The following NFX1 variants were observed in gnomAD, a reference collection of about 807,000 sequenced individuals.
The protein encoded by NFX1 is nuclear transcription factor, X-box binding 1, also known as transcriptional repressor NF-X1.
NFX1 carries 69 observed loss-of-function variants against 137.2 expected under a neutral mutation model. The observed-to-expected ratio is 0.50, with a 90% confidence interval of 0.41 to 0.61. The LOEUF is 0.61. NFX1 is among the 20% of genes least tolerant of loss of function. The probability of loss-of-function intolerance (pLI) is 0.00; values close to 1 mark genes in which losing one functional copy is unlikely to be tolerated. For missense variants in NFX1, 1,167 were observed against 1,391.0 expected (o/e 0.84, Z 2.56); for synonymous variants, 495 against 474.1 (o/e 1.04, Z -0.57).
At chr9:33,327,845 G>GCT (rs1383287692) in intron 9 of NFX1, among the ~76,000 whole-genome samples, 1 of 152,122 alleles carries the variant, frequency 6.6e-6, no homozygotes, top group African/African-American at 2.4e-5. Context: ...CATTCACAGA[G>GCT]CTCTAGTCAG....
chr9:33,327,702 T>C (rs1564123298), intron 9 of NFX1, among the ~76,000 whole-genome samples: 2 of 152,084 alleles, frequency 1.3e-5, no homozygotes, highest in Non-Finnish European at 2.9e-5. Context: ...ACAATGAGGC[T>C]GAAAGTTAAA....
chr9:33,352,855 G>C (rs911057558), intron 17 of NFX1, 136 bp downstream of exon 17: 2 of 673,680 alleles, frequency 3.0e-6, no homozygotes, highest in Non-Finnish European at 5.3e-6. Context: ...GTAATCAGTT[G>C]TAAACACCAC....
chr9:33,343,788 A>C (rs1480356367), intron 13 of NFX1, among the ~76,000 whole-genome samples: 1 of 152,224 alleles, frequency 6.6e-6, no homozygotes, highest in African/African-American at 2.4e-5. Context: ...CTCAGTCATT[A>C]ATATAATCTC....
chr9:33,337,520 G>T (rs564155200), intron 11 of NFX1, among the ~76,000 whole-genome samples: 17 of 152,046 alleles, frequency 1.1e-4, no homozygotes, highest in Non-Finnish European at 2.5e-4. Flanking sequence ...AAACACTACC[G>T]TTGCTATTTT....
chr9:33,349,536 G>C (rs1458943249), intron 15 of NFX1, among the ~76,000 whole-genome samples: 2 of 152,272 alleles, frequency 1.3e-5, no homozygotes, highest in East Asian at 1.9e-4. Context: ...AGTCTCTTCA[G>C]GGGGAGAAGT....
intron 19 of NFX1, among the ~76,000 whole-genome samples, chr9:33,363,117 T>G (rs1220693445): frequency 6.6e-6 from 1 of 151,976 alleles, no homozygotes; most frequent in African/African-American, 2.4e-5. Flanking sequence ...AGTGAAATAA[T>G]AAGGGCATCA....
rs758495561 is a variant in NFX1 at position 33,307,180 on chromosome 9, C to G, written c.1271-14C>G. ...AAGTTTGTACCATTGACTCTCTGAT[C>G]TGATATGTTCTAGGCAAGGTAAAGA... On this transcript the variant is annotated splice_polypyrimidine_tract_variant and intron_variant, in intron 4 of 23. Transcript: ENST00000379540. 1 of 1,606,328 alleles carries G rather than the reference C, an allele frequency of 6.2e-7. No homozygotes were observed. Among genetic ancestry groups the G allele is most frequent in the Admixed American group, 1.7e-5 (1 of 59,710 alleles).
chr9:33,341,029 C>T (rs964152638), intron 12 of NFX1, among the ~76,000 whole-genome samples: 1 of 152,218 alleles, frequency 6.6e-6, no homozygotes, highest in East Asian at 1.9e-4. Context: ...TGCCTGTTAC[C>T]CAGTTCCAAA....
At chr9:33,369,501 A>G (rs1824266000) in intron 23 of NFX1, among the ~76,000 whole-genome samples, 1 of 152,210 alleles carries the variant, frequency 6.6e-6, no homozygotes, top group African/African-American at 2.4e-5. Flanking sequence ...CAAAATCACC[A>G]GCTCATGTTT....
intron 1 of NFX1, among the ~76,000 whole-genome samples, chr9:33,293,139 C>T (rs1390560384): frequency 6.6e-6 from 1 of 152,234 alleles, no homozygotes; most frequent in Non-Finnish European, 1.5e-5. Flanking sequence ...AGCGCAGTCT[C>T]TAATACACAA....
At chr9:33,320,972 C>T (rs1358253950) in intron 9 of NFX1, among the ~76,000 whole-genome samples, 1 of 152,178 alleles carries the variant, frequency 6.6e-6, no homozygotes, top group Non-Finnish European at 1.5e-5. Flanking sequence ...TTTTAATATA[C>T]ATTCCAGCTG....
intron 9 of NFX1, among the ~76,000 whole-genome samples, chr9:33,325,390 G>A (rs887132287): frequency 4.1e-5 from 6 of 146,444 alleles, no homozygotes; most frequent in South Asian, 4.5e-4. Flanking sequence ...CTGGCCGGGC[G>A]CGGTGGCTCA....
chr9:33,368,078 A>G (rs1451869194), intron 23 of NFX1, among the ~76,000 whole-genome samples: 2 of 152,180 alleles, frequency 1.3e-5, no homozygotes, highest in African/African-American at 2.4e-5. Context: ...TACTAAAAAT[A>G]TAAAAAAGTA....
chr9:33,311,071 G>C, intron 5 of NFX1, 35 bp from the exon 6 acceptor site: 1 of 1,607,874 alleles, frequency 6.2e-7, no homozygotes, highest in Non-Finnish European at 8.5e-7. Flanking sequence ...TGGATACATG[G>C]CTGTGGTTTA....
At chr9:33,346,815 A>G (rs949442682) in intron 14 of NFX1, among the ~76,000 whole-genome samples, 5 of 152,168 alleles carry the variant, frequency 3.3e-5, no homozygotes, top group African/African-American at 9.7e-5. Flanking sequence ...CTGTTTTGGC[A>G]TGTCTCTTCC....
At chr9:33,356,343 A>G (rs1431070192) in intron 19 of NFX1, among the ~76,000 whole-genome samples, 1 of 152,010 alleles carries the variant, frequency 6.6e-6, no homozygotes, top group East Asian at 1.9e-4. Context: ...GATTAGTAGG[A>G]ATTCTTTATG....
At chr9:33,349,175 A>C (rs1180750028) in intron 15 of NFX1, among the ~76,000 whole-genome samples, 2 of 152,206 alleles carry the variant, frequency 1.3e-5, no homozygotes, top group Non-Finnish European at 2.9e-5. Flanking sequence ...ACTATGTGCT[A>C]GGTAACAGGC....
Position 33,354,094 on chromosome 9 carries a change from C to G in NFX1, c.2738C>G (p.Ala913Gly), listed in dbSNP as rs1421528796. 1 of 1,606,652 alleles carries G rather than the reference C, an allele frequency of 6.2e-7. No homozygotes were observed. Among genetic ancestry groups the G allele is most frequent in the Non-Finnish European group, 8.5e-7 (1 of 1,177,602 alleles). Residue 913 changes from alanine to glycine, a missense_variant, in exon 18 of 24, where the codon GCA (alanine) becomes GGA (glycine). By Grantham distance (60) the Ala-to-Gly change is moderately conservative. Transcript: ENST00000379540. ...TCTTTTTTATATTTCAGAATAGCTG[C>G]AATCTCCATGGCCTCTAAGATAACA... ...EASSTYQRIA[A>G]ISMASKITDM... is the part of the protein sequence containing the mutation.
At chr9:33,367,385 G>A (rs1161441005) in intron 22 of NFX1, 130 bp from the exon 23 acceptor site, 18 of 819,780 alleles carry the variant, frequency 2.2e-5, no homozygotes, top group Non-Finnish European at 3.5e-5. Flanking sequence ...ATGTCTGAGA[G>A]CAGACAGTTC....
Sources: allele counts gnomAD v4.1 joint callset (sites outside exome capture counted in the v4.1 genomes callset), GRCh38; gene constraint gnomAD v4.1.1; transcripts MANE v1.5; gene names NCBI Gene and HGNC (gene_info 2026-07-23, HGNC 2026-07-21).